Variants in CAPN3 observed in about 807,000 individuals in gnomAD.
CAPN3 encodes the protein calpain-3.
A neutral mutation model predicts 114.0 loss-of-function variants in CAPN3; 88 were observed. The ratio of observed to expected loss-of-function variants is 0.77; its 90% CI spans 0.65 to 0.92. CAPN3 has a LOEUF of 0.92. Among genes scored for constraint, CAPN3 ranks in the 40% least tolerant of loss-of-function variants. The pLI is 0.00. For missense variants in CAPN3, 1,028 were observed against 1,069.0 expected (o/e 0.96, Z 0.53); for synonymous variants, 386 against 382.9 (o/e 1.01, Z -0.09).
In CAPN3 at chr15:42,401,654, C is replaced by G. The variant is rs2053872326; in HGVS notation, c.1368C>G (p.Thr456=). The G allele has an allele frequency of 1.9e-6, 3 of 1,614,154 alleles. No homozygotes were observed. Among genetic ancestry groups the G allele is most frequent in the Non-Finnish European group, 2.5e-6 (3 of 1,180,034 alleles). Residue 456 remains threonine, a synonymous_variant, in exon 11 of 24, where the codon ACC becomes ACG. Transcript: ENST00000397163. ...GCRNFPDTFW[T]NPQYRLKLLE... is the part of the protein sequence containing the mutation. ...CTGGGGGTGCAGATACTTTCTGGAC[C>G]AACCCTCAGTACCGTCTGAAGCTCC...
intron 5 of CAPN3, among the ~76,000 whole-genome samples, chr15:42,389,317 A>G (rs1390302571): frequency 1.3e-5 from 2 of 152,136 alleles, no homozygotes; most frequent in Non-Finnish European, 2.9e-5. Flanking sequence ...CAAGCCCTGG[A>G]ATGTCAGTGG....
At chr15:42,381,841 A>G (rs1269830241) in intron 1 of CAPN3, among the ~76,000 whole-genome samples, 1 of 152,172 alleles carries the variant, frequency 6.6e-6, no homozygotes, top group East Asian at 1.9e-4. Context: ...CCCGGCCATC[A>G]TGTAATTTTA....
intron 10 of CAPN3, among the ~76,000 whole-genome samples, chr15:42,400,413 G>A (rs2053830541): frequency 1.3e-5 from 2 of 152,124 alleles, no homozygotes; most frequent in Non-Finnish European, 2.9e-5. Context: ...TTCCCAGTTG[G>A]GGACCTGACA....
At chr15:42,386,699 C>A (rs2053417226) in intron 3 of CAPN3, among the ~76,000 whole-genome samples, 1 of 152,166 alleles carries the variant, frequency 6.6e-6, no homozygotes, top group Admixed American at 6.5e-5. Flanking sequence ...ATGGCGGTAC[C>A]AAGGCTATCA....
At chr15:42,387,936 T>C in intron 4 of CAPN3, 50 bp downstream of exon 4, 1 of 1,612,902 alleles carries the variant, frequency 6.2e-7, no homozygotes, top group Non-Finnish European at 8.5e-7. Context: ...AGAAAGTGGG[T>C]TGCAAAATCC....
chr15:42,410,970 T>G lies in CAPN3; in HGVS notation c.2350T>G (p.Cys784Gly), dbSNP rs1476592506. 6.2e-7 allele frequency: 1 copy of G among 1,614,020 alleles called. No individual in the cohort carries two copies. The highest frequency in any genetic ancestry group is 1.3e-5 in the African/African-American group (1 of 74,954). Residue 784 changes from cysteine (C) to glycine (G), a missense_variant, in exon 22 of 24, where the codon TGC becomes GGC. By Grantham distance (159) the Cys-to-Gly change is radical (BLOSUM62 -3). Coordinates refer to ENST00000397163, the MANE Select transcript of CAPN3 (RefSeq NM_000070.3). ...HMNIDFDSFI[C>G]CFVRLEGMFR... Reference sequence around the variant, plus strand: ...GAACATCGACTTTGACAGTTTCATCTGCTGCTTCGTTAGGCTGGAGGGCAT... The same window carrying G: ...GAACATCGACTTTGACAGTTTCATCGGCTGCTTCGTTAGGCTGGAGGGCAT...
intron 1 of CAPN3, among the ~76,000 whole-genome samples, chr15:42,360,483 T>C (rs2052613619): frequency 6.6e-6 from 1 of 152,210 alleles, no homozygotes; most frequent in Non-Finnish European, 1.5e-5. Flanking sequence ...GATGTACCTG[T>C]TCGTTTTAAA....
chr15:42,399,286 A>G (rs2053796734), intron 9 of CAPN3, among the ~76,000 whole-genome samples: 1 of 152,096 alleles, frequency 6.6e-6, no homozygotes, highest in African/African-American at 2.4e-5. Context: ...ACATTTTTGA[A>G]TCATTGTTAG....
At chr15:42,391,947 T>C (rs2053566036) in intron 6 of CAPN3, among the ~76,000 whole-genome samples, 1 of 151,988 alleles carries the variant, frequency 6.6e-6, no homozygotes, top group Non-Finnish European at 1.5e-5. Flanking sequence ...GTGGATCACC[T>C]GAGGTCAGGA....
chr15:42,404,324 T>TG (rs1257886146), intron 14 of CAPN3: 1 of 456,534 alleles, frequency 2.2e-6, no homozygotes, highest in Non-Finnish European at 4.4e-6. Flanking sequence ...TGGCACAGCA[T>TG]GGGCACTCAA....
intron 17 of CAPN3, 117 bp downstream of exon 17, chr15:42,409,497 G>A: frequency 2.0e-6 from 2 of 1,005,644 alleles, no homozygotes; most frequent in East Asian, 2.5e-5. Context: ...CTTTGGTGGA[G>A]CCAGGGGATG....
At chr15:42,394,197 CA>C in intron 7 of CAPN3, 58 bp from the exon 8 acceptor site, 1 of 1,474,666 alleles carries the variant, frequency 6.8e-7, no homozygotes, top group South Asian at 1.2e-5. Flanking sequence ...CTCAGCAAGA[CA>C]GAAGATTCCC....
Position 42,408,279 on chromosome 15 carries a change from G to C in CAPN3, c.1869G>C (p.Glu623Asp), listed in dbSNP as rs1391429681. ...KELGVDQESE[E>D]GKGKTSPDKQ... ...TGGGTGTGGACCAGGAGTCAGAGGAGGGCAAAGGCAAAACAAGCCCTGATA... is the reference window on the plus strand; with the variant it reads ...TGGGTGTGGACCAGGAGTCAGAGGACGGCAAAGGCAAAACAAGCCCTGATA... Residue 623 changes from glutamate to aspartate, a missense_variant, in exon 16 of 24, where the codon GAG becomes GAC. By Grantham distance (45) the Glu-to-Asp change is conservative (BLOSUM62 2). Coordinates refer to ENST00000397163, the MANE Select transcript of CAPN3 (RefSeq NM_000070.3). 6.2e-7 allele frequency: 1 copy of C among 1,613,784 alleles called. No individual in the cohort carries two copies. Among genetic ancestry groups the C allele is most frequent in the Non-Finnish European group, 8.5e-7 (1 of 1,179,876 alleles).
At chr15:42,386,104 G>C in intron 2 of CAPN3, 63 bp from the exon 3 acceptor site, 1 of 1,163,946 alleles carries the variant, frequency 8.6e-7, no homozygotes, top group Non-Finnish European at 1.3e-6. Context: ...GGCTGGGATT[G>C]GGGCTTTTTC....
In CAPN3 at chr15:42,396,840, C is replaced by T. The variant is rs919442493; in HGVS notation, c.1156C>T (p.Arg386Cys). Reference protein sequence around the residue: ...WSFVDKDEKARLQHQVTEDGE... With the variant: ...WSFVDKDEKACLQHQVTEDGE... Reference sequence around the variant, plus strand: ...CTTTGTGGACAAAGATGAGAAGGCCCGTCTGCAGCACCAGGTCACTGAGGA... The same window carrying T: ...CTTTGTGGACAAAGATGAGAAGGCCTGTCTGCAGCACCAGGTCACTGAGGA... Residue 386 changes from arginine (R) to cysteine (C), a missense_variant, in exon 9 of 24, where the codon CGT becomes TGT. Coordinates refer to ENST00000397163, the MANE Select transcript of CAPN3 (RefSeq NM_000070.3). The T allele has an allele frequency of 5.6e-6, 9 of 1,613,854 alleles. No individual in the cohort carries two copies. Among genetic ancestry groups the T allele is most frequent in the African/African-American group, 4.0e-5 (3 of 74,882 alleles).
At chr15:42,386,095 G>C in intron 2 of CAPN3, 72 bp from the exon 3 acceptor site, 1 of 1,049,928 alleles carries the variant, frequency 9.5e-7, no homozygotes, top group Non-Finnish European at 1.5e-6. Context: ...GGAGTGGCTG[G>C]CTGGGATTGG....
chr15:42,391,666 T>G (rs1010476919), intron 6 of CAPN3, among the ~76,000 whole-genome samples: 1 of 152,212 alleles, frequency 6.6e-6, no homozygotes, highest in African/African-American at 2.4e-5. Flanking sequence ...CATGGGACTT[T>G]AGTGATCCTG....
intron 3 of CAPN3, among the ~76,000 whole-genome samples, chr15:42,386,628 C>T (rs1371074740): frequency 6.6e-6 from 1 of 152,144 alleles, no homozygotes; most frequent in Non-Finnish European, 1.5e-5. Context: ...CACCACAGGA[C>T]CCTTCAGGTT....
intron 1 of CAPN3, among the ~76,000 whole-genome samples, chr15:42,380,732 T>TAC (rs2053221984): frequency 1.6e-5 from 1 of 63,376 alleles, no homozygotes; most frequent in Non-Finnish European, 2.9e-5. Flanking sequence ...CTTCCCCATA[T>TAC]ATATATATAT....
Sources: allele counts gnomAD v4.1 joint callset (sites outside exome capture counted in the v4.1 genomes callset), GRCh38; gene constraint gnomAD v4.1.1; transcripts MANE v1.5; gene names NCBI Gene and HGNC (gene_info 2026-07-23, HGNC 2026-07-21).